The following RALGAPA2 variants were observed in gnomAD, a reference collection of about 807,000 sequenced individuals.
The protein encoded by RALGAPA2 is ral GTPase-activating protein subunit alpha-2.
In RALGAPA2, 139 loss-of-function variants were observed where a neutral mutation model predicts 230.4. The observed-to-expected ratio is 0.60, with a 90% CI of 0.53 to 0.69. The LOEUF (loss-of-function observed/expected upper bound fraction) is 0.69. Among genes scored for constraint, RALGAPA2 ranks in the 30% least tolerant of loss-of-function variants. RALGAPA2 has a pLI of 0.00. For missense variants in RALGAPA2, 2,163 were observed against 2,276.0 expected (o/e 0.95, Z 1.01); for synonymous variants, 847 against 837.8 (o/e 1.01, Z -0.19).
rs978507417 is a variant in RALGAPA2, at chr20:20,712,616, G to A, written c.-136C>T. ...CAGCCCCGCTGCTGCCGCCGCCGCC[G>A]CCGCCGCCGCCGCCTCAGCTGTGTC... is the stretch of plus-strand genomic sequence containing the variant. On this transcript the variant is annotated 5_prime_UTR_variant, in exon 1 of 40. Coordinates refer to ENST00000202677, the MANE Select transcript of RALGAPA2 (RefSeq NM_020343.4). This position sits in a 1 kb window ranked among gnomAD's most constrained non-coding sequence, Gnocchi z 5.5. The A allele has an allele frequency of 3.4e-6, 4 of 1,189,120 alleles. No individual in the cohort carries two copies. Among genetic ancestry groups the A allele is most frequent in the South Asian group, 3.8e-5 (1 of 26,172 alleles). 73.7% of individuals were successfully genotyped at this position (1,189,120 alleles called of 1,614,324 possible). A position where few individuals can be genotyped will look rare whatever the true frequency, so the allele number is the denominator to read the frequency against.
chr20:20,484,702 T>C (rs1045460346), intron 36 of RALGAPA2, among the ~76,000 whole-genome samples: 2 of 152,196 alleles, frequency 1.3e-5, no homozygotes, highest in Non-Finnish European at 2.9e-5. Context: ...AATAGATATT[T>C]TTTGATTATA....
intron 1 of RALGAPA2, among the ~76,000 whole-genome samples, chr20:20,703,343 T>C (rs868595719): frequency 6.6e-6 from 1 of 152,194 alleles, no homozygotes; most frequent in Non-Finnish European, 1.5e-5. Flanking sequence ...AGAATCTATA[T>C]GGTAAATCCT....
chr20:20,672,281 A>G (rs1420599765), intron 3 of RALGAPA2, among the ~76,000 whole-genome samples: 15 of 152,232 alleles, frequency 9.9e-5, no homozygotes, highest in Non-Finnish European at 1.0e-4. Flanking sequence ...TCAAAATCAA[A>G]TATCACAAAA....
At chr20:20,609,736 T>G (rs957587792) in intron 14 of RALGAPA2, among the ~76,000 whole-genome samples, 1 of 152,112 alleles carries the variant, frequency 6.6e-6, no homozygotes, top group Non-Finnish European at 1.5e-5. Flanking sequence ...CTCGAAAGGG[T>G]GCCAACAGTG....
At chr20:20,543,081 G>C (rs2063692072) in intron 24 of RALGAPA2, among the ~76,000 whole-genome samples, 1 of 151,896 alleles carries the variant, frequency 6.6e-6, no homozygotes, top group Admixed American at 6.6e-5. Flanking sequence ...GTCATGCTCT[G>C]TCACCCAGGC....
intron 36 of RALGAPA2, among the ~76,000 whole-genome samples, chr20:20,487,716 C>T (rs2061948404): frequency 6.6e-6 from 1 of 151,982 alleles, no homozygotes; most frequent in Admixed American, 6.6e-5. Context: ...TGAGACCAGC[C>T]TGGGCCACAC....
Position 20,570,378 on chromosome 20 carries a change from C to T in RALGAPA2, c.3156+1080G>A, listed in dbSNP as rs921250839. Among the ~76,000 whole-genome samples the T allele has an allele frequency of 7.2e-5, 11 of 152,126 alleles. No homozygotes were observed. The South Asian group carries it at 1.0e-3, about 14-fold the overall frequency. Reference sequence around the variant, plus strand: ...CAGGAGAATAACTTCTTACATGTACCCTGAGGTATCAAAAGGTCTGTGTGT... The same window carrying T: ...CAGGAGAATAACTTCTTACATGTACTCTGAGGTATCAAAAGGTCTGTGTGT... On this transcript the variant is annotated intron_variant, in intron 23 of 39. Coordinates refer to ENST00000202677, the MANE Select transcript of RALGAPA2 (RefSeq NM_020343.4).
chr20:20,458,506 TAATA>T (rs1470994666), intron 37 of RALGAPA2, among the ~76,000 whole-genome samples: 24 of 138,790 alleles, frequency 1.7e-4, no homozygotes, highest in African/African-American at 5.9e-4. Flanking sequence ...ATATTATATA[TAATA>T]TATATGTATT....
chr20:20,637,914 A>C (rs1013588064), intron 7 of RALGAPA2, among the ~76,000 whole-genome samples: 1 of 152,232 alleles, frequency 6.6e-6, no homozygotes, highest in African/African-American at 2.4e-5. Context: ...TTAAAGAAAC[A>C]ATCCCTCTCA....
chr20:20,449,826 T>C (rs1009303973), intron 37 of RALGAPA2, among the ~76,000 whole-genome samples: 2 of 152,220 alleles, frequency 1.3e-5, no homozygotes, highest in Non-Finnish European at 2.9e-5. Context: ...GTCTTCCAAC[T>C]TATACAAAAT....
chr20:20,549,884 G>T (rs555007205), intron 23 of RALGAPA2, among the ~76,000 whole-genome samples: 9 of 152,176 alleles, frequency 5.9e-5, no homozygotes, highest in Non-Finnish European at 1.3e-4. Context: ...AAAGAATGAT[G>T]CTCTCAGACA....
At chr20:20,527,860 G>A (rs1041870511) in intron 27 of RALGAPA2, among the ~76,000 whole-genome samples, 1 of 152,180 alleles carries the variant, frequency 6.6e-6, no homozygotes, top group African/African-American at 2.4e-5. Context: ...TGTTGCTGAT[G>A]CACCACAGTG....
intron 24 of RALGAPA2, 136 bp from the exon 25 acceptor site, chr20:20,536,920 TA>T: frequency 9.6e-7 from 1 of 1,040,720 alleles, no homozygotes; most frequent in Non-Finnish European, 1.3e-6. Flanking sequence ...AGTGCATATT[TA>T]AGCAAAAGAG....
chr20:20,520,241 TTG>T (rs34426196), intron 31 of RALGAPA2, among the ~76,000 whole-genome samples: 3 of 151,234 alleles, frequency 2.0e-5, no homozygotes, highest in African/African-American at 2.4e-5. Flanking sequence ...ATGCATGCAT[TTG>T]TGTGTGTGTG....
In RALGAPA2 at chr20:20,403,766, C is replaced by T. The variant is rs16981899; in HGVS notation, c.5618-7032G>A. On this transcript the variant is annotated intron_variant, in intron 38 of 39. Coordinates refer to ENST00000202677, the MANE Select transcript of RALGAPA2 (RefSeq NM_020343.4). ...GACTGCACGTGGGCTCTGGGATGCA[C>T]GCTGACTGCAGAGTCTACCCATACA... is the stretch of plus-strand genomic sequence containing the variant. Among the ~76,000 whole-genome samples, 805 of 152,276 alleles carry T rather than the reference C, an allele frequency of 5.3e-3. 11 individuals carry two copies. The highest frequency in any genetic ancestry group is 0.018 in the African/African-American group (763 of 41,540).
chr20:20,586,317 G>C (rs1436022075), intron 18 of RALGAPA2, among the ~76,000 whole-genome samples: 3 of 152,200 alleles, frequency 2.0e-5, no homozygotes, highest in African/African-American at 7.2e-5. Flanking sequence ...CCAGTGGCAA[G>C]AGGACCAAGA....
chr20:20,645,985 T>C (rs890984439), intron 4 of RALGAPA2, among the ~76,000 whole-genome samples: 5 of 150,860 alleles, frequency 3.3e-5, no homozygotes, highest in Non-Finnish European at 7.4e-5. Context: ...AAGAAAAACA[T>C]GTGCAGTGGA....
At position 20,391,440 on chromosome 20, in the gene RALGAPA2, G is replaced by C. The variant is rs573040831; in HGVS notation, c.*1849C>G. Reference sequence around the variant, plus strand: ...CTTTGGGGCACCCTCATTCTCTTCTGTTCAGGTGGTTCTCAAGGTGCTCCT... The same window carrying C: ...CTTTGGGGCACCCTCATTCTCTTCTCTTCAGGTGGTTCTCAAGGTGCTCCT... On this transcript the variant is annotated 3_prime_UTR_variant, in exon 40 of 40. Coordinates refer to ENST00000202677, the MANE Select transcript of RALGAPA2 (RefSeq NM_020343.4). 1 of 152,250 alleles carries C rather than the reference G, an allele frequency of 6.6e-6. No homozygotes were observed. Among genetic ancestry groups the C allele is most frequent in the African/African-American group, 2.4e-5 (1 of 41,436 alleles). 9.4% of individuals were successfully genotyped at this position (152,250 alleles called of 1,614,324 possible). A position where few individuals can be genotyped will look rare whatever the true frequency, so the allele number is the denominator to read the frequency against.
chr20:20,518,487 T>C (rs1208049407), intron 31 of RALGAPA2, among the ~76,000 whole-genome samples: 2 of 152,222 alleles, frequency 1.3e-5, no homozygotes, highest in Non-Finnish European at 2.9e-5. Flanking sequence ...CCTTTTCACT[T>C]TCTATATGAT....
Sources: gnomAD v4.1 joint callset for allele counts (sites outside exome capture counted in the v4.1 genomes callset) on GRCh38, gnomAD v4.1.1 for gene constraint, Gnocchi (gnomAD v3.1) non-coding constraint, MANE v1.5 for transcripts, NCBI Gene and HGNC (gene_info 2026-07-23, HGNC 2026-07-21) for gene names.